PTPRA: variants seen among roughly 807,000 people sequenced by gnomAD.
The protein encoded by PTPRA is protein tyrosine phosphatase receptor type A.
PTPRA carries 25 observed loss-of-function variants against 104.8 expected under a neutral mutation model. The observed-to-expected ratio is 0.24, with a 90% confidence interval of 0.17 to 0.33. The LOEUF (loss-of-function observed/expected upper bound fraction) is 0.33. Among genes scored for constraint, PTPRA ranks in the 10% least tolerant of loss-of-function variants. The pLI is 1.00. For missense variants in PTPRA, 765 were observed against 1,015.3 expected (o/e 0.75, Z 3.35); for synonymous variants, 323 against 368.9 (o/e 0.88, Z 1.43).
intron 11 of PTPRA, among the ~76,000 whole-genome samples, chr20:3,013,740 C>A (rs1034279532): frequency 4.6e-5 from 7 of 152,022 alleles, no homozygotes; most frequent in Non-Finnish European, 1.5e-5. Flanking sequence ...AGACGTGTTT[C>A]TTTTTAGAGG....
In PTPRA at chr20:2,940,431, C is replaced by T. The variant is rs973255425; in HGVS notation, c.-49-7551C>T. On this transcript the variant is annotated intron_variant, in intron 2 of 23. Coordinates refer to ENST00000399903, the MANE Select transcript of PTPRA (RefSeq NM_001385305.1). ...TCAGCCTTCCAAGTATCTGGGACTA[C>T]AGGCATATACCCCCATACCTAGCTG... Among the ~76,000 whole-genome samples, 5 of 152,078 alleles carry T rather than the reference C, an allele frequency of 3.3e-5. No homozygotes were observed. In the East Asian group the frequency reaches 9.7e-4, roughly 29 times the overall value.
chr20:3,008,086 G>GA (rs1233080280), intron 11 of PTPRA, among the ~76,000 whole-genome samples: 5 of 152,122 alleles, frequency 3.3e-5, no homozygotes, highest in Middle Eastern at 3.2e-3. Context: ...AATTTGAACA[G>GA]AAAAAAGAGA....
intron 2 of PTPRA, among the ~76,000 whole-genome samples, chr20:2,943,218 C>A (rs1053039298): frequency 6.8e-5 from 10 of 146,688 alleles, no homozygotes; most frequent in East Asian, 4.1e-4. Context: ...CCCCCACCCC[C>A]CCCCCAGATA....
intron 1 of PTPRA, among the ~76,000 whole-genome samples, chr20:2,910,282 A>AT (rs1265809835): frequency 3.1e-5 from 4 of 127,774 alleles, no homozygotes; most frequent in African/African-American, 1.2e-4. Flanking sequence ...GGTATGCATT[A>AT]TATATAATAT....
rs1251131797 is a variant in PTPRA, at chr20:3,038,077, T to C, written c.2353T>C (p.Tyr785His). Reference protein sequence around the residue: ...VQTLEQYEFCYKVVQEYIDAF... With the variant: ...VQTLEQYEFCHKVVQEYIDAF... ...TCTCCAGGAACAGTATGAGTTCTGC[T>C]ACAAGGTGGTGCAGGAGTATATTGA... Residue 785 changes from tyrosine (Y) to histidine (H), a missense_variant, in exon 24 of 24, where the codon TAC (tyrosine) becomes CAC (histidine). Tyr to His is a moderately conservative substitution (Grantham distance 83). This residue lies in a region of PTPRA where 72 missense variants were observed against 140.7 expected (regional missense o/e 0.51). Transcript: ENST00000399903. 6.2e-7 allele frequency: 1 copy of C among 1,613,074 alleles called. No homozygotes were observed. Among genetic ancestry groups the C allele is most frequent in the Non-Finnish European group, 8.5e-7 (1 of 1,179,114 alleles).
intron 1 of PTPRA, among the ~76,000 whole-genome samples, chr20:2,908,362 A>T (rs1044028314): frequency 1.5e-4 from 23 of 152,188 alleles, no homozygotes; most frequent in Admixed American, 6.5e-5. Context: ...TCAGCAGTTT[A>T]TACATATACA....
chr20:2,884,473 G>A (rs778657969), intron 1 of PTPRA, among the ~76,000 whole-genome samples: 16 of 152,108 alleles, frequency 1.1e-4, no homozygotes, highest in Non-Finnish European at 2.1e-4. Context: ...CCATCTTAGT[G>A]GGTGTGAAGT....
rs753970165 is a variant in PTPRA at position 3,027,686 on chromosome 20, C to T, written c.1786-21C>T. The T allele has an allele frequency of 3.1e-5, 50 of 1,611,672 alleles. No individual in the cohort carries two copies. The East Asian group carries it at 1.0e-3, about 33-fold the overall frequency. ...CTGTGATTAAACCATCTCACCCTTGCAATTAACCTGGCCTGTGCAGGGCTA... is the reference window on the plus strand; with the variant it reads ...CTGTGATTAAACCATCTCACCCTTGTAATTAACCTGGCCTGTGCAGGGCTA... On this transcript the variant is annotated intron_variant, in intron 19 of 23. Coordinates refer to ENST00000399903, the MANE Select transcript of PTPRA (RefSeq NM_001385305.1).
At chr20:2,961,268 G>A (rs1178025) in intron 3 of PTPRA, among the ~76,000 whole-genome samples, 93,881 of 152,112 alleles carry the variant, frequency 0.62, 31,411 homozygotes, top group East Asian at 0.88. Context: ...GAGAGTTCCT[G>A]CTGCTCCATA....
intron 9 of PTPRA, 146 bp from the exon 10 acceptor site, chr20:3,004,910 G>C: frequency 1.4e-6 from 1 of 707,726 alleles, no homozygotes; most frequent in Admixed American, 2.4e-5. Flanking sequence ...CATTCTCTGT[G>C]TTAGGCTGCA....
intron 2 of PTPRA, among the ~76,000 whole-genome samples, chr20:2,927,844 T>C (rs1211141391): frequency 6.6e-6 from 1 of 152,082 alleles, no homozygotes; most frequent in East Asian, 1.9e-4. Context: ...ACCCTGTCTC[T>C]ACTAAAAATA....
At chr20:2,875,047 C>G (rs1029773742) in intron 1 of PTPRA, among the ~76,000 whole-genome samples, 3 of 152,174 alleles carry the variant, frequency 2.0e-5, no homozygotes, top group African/African-American at 7.2e-5. Flanking sequence ...TCTTGCCCAC[C>G]TTTCTATCTC....
At chr20:3,020,334 G>A (rs1271210809) in intron 13 of PTPRA, among the ~76,000 whole-genome samples, 1 of 152,058 alleles carries the variant, frequency 6.6e-6, no homozygotes, top group East Asian at 1.9e-4. Context: ...TCCTGACCTC[G>A]TGATCCACCC....
intron 1 of PTPRA, among the ~76,000 whole-genome samples, chr20:2,874,674 T>C (rs1360716995): frequency 1.3e-5 from 2 of 152,156 alleles, no homozygotes; most frequent in African/African-American, 2.4e-5. Context: ...GGCGAACATC[T>C]TCCTGCCTGG....
chr20:2,868,525 TCA>T (rs1004787986), upstream of PTPRA, among the ~76,000 whole-genome samples: 1 of 147,778 alleles, frequency 6.8e-6, no homozygotes, highest in Admixed American at 6.9e-5. Context: ...GGTTTTGGAA[TCA>T]CAATCTGGCA....
chr20:2,975,047 A>C (rs886177740), intron 5 of PTPRA, among the ~76,000 whole-genome samples, 168 bp from the exon 6 acceptor site: 11 of 152,212 alleles, frequency 7.2e-5, no homozygotes, highest in Non-Finnish European at 1.6e-4. Flanking sequence ...AGGCCAGACC[A>C]CTGTCCAAAG....
At chr20:2,997,475 G>T (rs1180302788) in intron 9 of PTPRA, among the ~76,000 whole-genome samples, 5 of 152,144 alleles carry the variant, frequency 3.3e-5, no homozygotes, top group Admixed American at 3.3e-4. Flanking sequence ...CTTGTGGTCA[G>T]GTCTCTATAA....
chr20:2,959,987 A>C (rs73581768), intron 3 of PTPRA, among the ~76,000 whole-genome samples: 6,017 of 152,020 alleles, frequency 0.04, 392 homozygotes, highest in African/African-American at 0.14. Flanking sequence ...GCATTCCTAA[A>C]TACCACCTGT....
chr20:3,025,697 CTG>C (rs2148455950), intron 17 of PTPRA, among the ~76,000 whole-genome samples: 1 of 150,978 alleles, frequency 6.6e-6, no homozygotes, highest in African/African-American at 2.4e-5. Flanking sequence ...CGGAGAAACT[CTG>C]TCTCTATTAA....
Sources: allele counts gnomAD v4.1 joint callset (sites outside exome capture counted in the v4.1 genomes callset), GRCh38; gene constraint gnomAD v4.1.1; regional missense constraint gnomAD v4.1.1; transcripts MANE v1.5; gene names NCBI Gene and HGNC (gene_info 2026-07-23, HGNC 2026-07-21).